Variants in PLD1 observed in about 807,000 individuals in gnomAD.
PLD1 encodes the protein choline phosphatase 1.
PLD1 carries 112 observed loss-of-function variants against 137.1 expected under a neutral mutation model. That is an observed-to-expected ratio of 0.82 (90% CI 0.70 to 0.96). The LOEUF (loss-of-function observed/expected upper bound fraction) is 0.96. Ranked by LOEUF, PLD1 falls within the 40% of genes least tolerant of loss-of-function variation. The pLI is 0.00. For missense variants in PLD1, 1,321 were observed against 1,342.0 expected, an observed-to-expected ratio of 0.98 and a Z score of 0.24; for synonymous variants, 431 against 454.7, an observed-to-expected ratio of 0.95 and a Z score of 0.66.
intron 21 of PLD1, among the ~76,000 whole-genome samples, chr3:171,646,726 C>T (rs962013901): frequency 6.7e-6 from 1 of 150,180 alleles, no homozygotes; most frequent in East Asian, 1.9e-4. Flanking sequence ...TATTTCCCCA[C>T]AGCCAACATT....
chr3:171,624,581 A>G (rs1416969036), intron 23 of PLD1, among the ~76,000 whole-genome samples: 2 of 152,084 alleles, frequency 1.3e-5, no homozygotes, highest in Non-Finnish European at 2.9e-5. Flanking sequence ...TAATATATAC[A>G]CAGTTACCCA....
intron 7 of PLD1, among the ~76,000 whole-genome samples, chr3:171,725,146 A>C (rs1397956302): frequency 1.3e-5 from 2 of 152,178 alleles, no homozygotes; most frequent in African/African-American, 4.8e-5. Flanking sequence ...TATGTAACAA[A>C]CCCGCACGTT....
intron 1 of PLD1, among the ~76,000 whole-genome samples, chr3:171,794,144 CAA>C (rs201615949): frequency 1.7e-5 from 2 of 118,754 alleles, no homozygotes; most frequent in Non-Finnish European, 1.8e-5. Flanking sequence ...GAATCCATCT[CAA>C]AAAAAAAAAA....
intron 9 of PLD1, 28 bp downstream of exon 9, chr3:171,713,865 A>G: frequency 6.3e-7 from 1 of 1,577,430 alleles, no homozygotes. Context: ...TTTTGTAGAA[A>G]TCTTTTTTAA....
intron 1 of PLD1, among the ~76,000 whole-genome samples, chr3:171,767,313 G>A (rs941776749): frequency 6.6e-6 from 1 of 152,186 alleles, no homozygotes. Context: ...TTGGTCACCA[G>A]GTTCTTGCCA....
In PLD1 at chr3:171,743,021, A is replaced by G. The variant is rs543033079; in HGVS notation, c.-31-4939T>C. On this transcript the variant is annotated intron_variant, in intron 1 of 26. Coordinates refer to ENST00000351298, the MANE Select transcript of PLD1 (RefSeq NM_002662.5). ...ACCTTGGACAGAAAATGAGATGTCA[A>G]TGGTATAAGGGAAAGATCAAATGAC... 4.1e-4 allele frequency among the ~76,000 whole-genome samples: 63 copies of G among 152,308 alleles called. 1 individual carries two copies. The highest frequency in any genetic ancestry group is 1.5e-3 in the African/African-American group (62 of 41,570).
chr3:171,639,602 T>TA (rs1560170204), intron 23 of PLD1, among the ~76,000 whole-genome samples: 1 of 86,356 alleles, frequency 1.2e-5, no homozygotes, highest in Non-Finnish European at 2.0e-5. Flanking sequence ...TATATTCATA[T>TA]AATATATATT....
At chr3:171,716,253 C>T (rs139126562) in intron 8 of PLD1, among the ~76,000 whole-genome samples, 175 of 152,212 alleles carry the variant, frequency 1.1e-3, no homozygotes, top group African/African-American at 4.2e-3. Flanking sequence ...GGTATATATC[C>T]AATAATGGAA....
chr3:171,680,462 C>T (rs948851369), intron 16 of PLD1, among the ~76,000 whole-genome samples: 1 of 151,908 alleles, frequency 6.6e-6, no homozygotes, highest in Admixed American at 6.6e-5. Context: ...TCTCGAACTC[C>T]TGACCTCGTG....
intron 1 of PLD1, among the ~76,000 whole-genome samples, chr3:171,752,337 G>A (rs540459730): frequency 1.3e-5 from 2 of 152,332 alleles, no homozygotes; most frequent in East Asian, 3.9e-4. Context: ...GGAGGAGAAC[G>A]CAGTTAGCAA....
chr3:171,609,117 C>A (rs1732437559), intron 25 of PLD1, among the ~76,000 whole-genome samples: 1 of 152,014 alleles, frequency 6.6e-6, no homozygotes, highest in Non-Finnish European at 1.5e-5. Flanking sequence ...GACACACAAG[C>A]AGCCAACAAA....
chr3:171,748,767 G>C (rs1720450280), intron 1 of PLD1, among the ~76,000 whole-genome samples: 1 of 150,854 alleles, frequency 6.6e-6, no homozygotes, highest in African/African-American at 2.4e-5. Flanking sequence ...AGTTATTTCT[G>C]TCTTTCTGTG....
Position 171,709,068 on chromosome 3 carries a change from C to T in PLD1, c.1062-230G>A, listed in dbSNP as rs534594327. Among the ~76,000 whole-genome samples the T allele has an allele frequency of 4.6e-5, 7 of 152,292 alleles. No homozygotes were observed. In the East Asian group the frequency reaches 1.2e-3, roughly 25 times the overall value. On this transcript the variant is annotated intron_variant, in intron 10 of 26. Transcript: ENST00000351298. Reference sequence around the variant, plus strand: ...TGATTTTTCTCTGCTTAGAGAACAACAAATTTATTGAGCCTCATCATCATA... The same window carrying T: ...TGATTTTTCTCTGCTTAGAGAACAATAAATTTATTGAGCCTCATCATCATA...
At chr3:171,604,317 T>TA (rs113679565) in intron 26 of PLD1, among the ~76,000 whole-genome samples, 5,071 of 118,518 alleles carry the variant, frequency 0.043, 118 homozygotes, top group Non-Finnish European at 0.065. Context: ...CCATGTCAAT[T>TA]AAAAAAAAAA....
chr3:171,701,150 A>C (rs1716204140), intron 11 of PLD1, among the ~76,000 whole-genome samples: 1 of 152,240 alleles, frequency 6.6e-6, no homozygotes. Flanking sequence ...CCCAGAGATA[A>C]AGTTTCTAAA....
chr3:171,649,663 A>T (rs1736557300), intron 21 of PLD1, among the ~76,000 whole-genome samples: 1 of 152,222 alleles, frequency 6.6e-6, no homozygotes, highest in Admixed American at 6.5e-5. Context: ...AGTGGGCACT[A>T]AGCCCCGGAT....
chr3:171,748,916 C>T (rs1720462620), intron 1 of PLD1, among the ~76,000 whole-genome samples: 2 of 150,810 alleles, frequency 1.3e-5, no homozygotes, highest in African/African-American at 4.9e-5. Flanking sequence ...TGCCCAAAGT[C>T]CATATATTCC....
chr3:171,752,014 A>AG (rs888255794), intron 1 of PLD1, among the ~76,000 whole-genome samples: 2 of 152,140 alleles, frequency 1.3e-5, no homozygotes, highest in African/African-American at 4.8e-5. Context: ...AAAAAAAAAA[A>AG]AAAGAAAGAA....
intron 23 of PLD1, among the ~76,000 whole-genome samples, chr3:171,629,192 A>T (rs1734426564): frequency 6.6e-6 from 1 of 152,172 alleles, no homozygotes; most frequent in East Asian, 1.9e-4. Flanking sequence ...ATGTACAAAA[A>T]TCACAAGCAT....
Sources: allele counts gnomAD v4.1 joint callset (sites outside exome capture counted in the v4.1 genomes callset), GRCh38; gene constraint gnomAD v4.1.1; transcripts MANE v1.5; gene names NCBI Gene and HGNC (gene_info 2026-07-23, HGNC 2026-07-21).